Variants in TET3 observed in about 807,000 individuals in gnomAD.
TET3 encodes the protein methylcytosine dioxygenase TET3.
Under a neutral mutation model 141.4 loss-of-function variants are expected in TET3, and 19 were observed. The observed-to-expected ratio is 0.13, with a 90% CI of 0.09 to 0.20. The LOEUF (loss-of-function observed/expected upper bound fraction) is 0.20. Among genes scored for constraint, TET3 ranks in the 10% least tolerant of loss-of-function variants. TET3 has a pLI of 1.00. For missense variants in TET3, 1,874 were observed against 2,356.9 expected (o/e 0.80, Z 4.24); for synonymous variants, 1,043 against 980.9 (o/e 1.06, Z -1.18).
chr2:74,023,298 G>A lies in TET3; in HGVS notation c.360+20132G>A, dbSNP rs190302205. On this transcript the variant is annotated intron_variant, in intron 3 of 11. Coordinates refer to ENST00000409262, the MANE Select transcript of TET3 (RefSeq NM_001287491.2). ...TGTGTCACGTAGGCTGGAGTGCAGCGGTGCTGCGATCATGGCTCACTGCAG... is the reference window on the plus strand; with the variant it reads ...TGTGTCACGTAGGCTGGAGTGCAGCAGTGCTGCGATCATGGCTCACTGCAG... Among the ~76,000 whole-genome samples the A allele has an allele frequency of 2.9e-3, 440 of 152,090 alleles. 1 individual carries two copies. The highest frequency in any genetic ancestry group is 3.5e-3 in the Non-Finnish European group (236 of 67,986).
At chr2:74,015,362 T>C (rs1029536797) in intron 3 of TET3, among the ~76,000 whole-genome samples, 4 of 152,196 alleles carry the variant, frequency 2.6e-5, no homozygotes, top group African/African-American at 9.7e-5. Context: ...TAAAAGTACA[T>C]AATTAGAAAC....
chr2:74,060,672 C>T (rs1688458211), intron 4 of TET3, among the ~76,000 whole-genome samples: 1 of 152,032 alleles, frequency 6.6e-6, no homozygotes, highest in Non-Finnish European at 1.5e-5. Flanking sequence ...GACCCTGCGG[C>T]CTTCCGCAGT....
At chr2:74,064,342 T>C (rs1350692088) in intron 4 of TET3, among the ~76,000 whole-genome samples, 1 of 152,228 alleles carries the variant, frequency 6.6e-6, no homozygotes, top group Non-Finnish European at 1.5e-5. Context: ...TACAGTGTGA[T>C]TCAGTATTGA....
At chr2:73,998,226 A>C (rs1684688958) in intron 2 of TET3, 1 of 152,240 alleles carries the variant, frequency 6.6e-6, no homozygotes, top group Admixed American at 6.5e-5. Flanking sequence ...CCTTCTCAAC[A>C]GCATCATACA....
At chr2:74,061,881 C>G (rs1356074116) in intron 4 of TET3, among the ~76,000 whole-genome samples, 1 of 150,170 alleles carries the variant, frequency 6.7e-6, no homozygotes, top group African/African-American at 2.5e-5. Context: ...GGAAGAGGCG[C>G]TCCTCACTTC....
rs1381689332 is a variant in TET3 at position 74,046,957 on chromosome 2, C to T, written c.1040C>T (p.Ala347Val). 7 of 1,613,768 alleles carry T rather than the reference C, an allele frequency of 4.3e-6. No individual in the cohort carries two copies. Among genetic ancestry groups the T allele is most frequent in the African/African-American group, 1.3e-5 (1 of 74,882 alleles). The change falls in exon 4 of 12, where the codon GCC becomes GTC. Residue 347 changes from alanine (A) to valine (V), a missense_variant. Transcript: ENST00000409262. This position sits in a 1 kb window ranked among gnomAD's most constrained non-coding sequence, Gnocchi z 4.3. ...LPLSQSALSIAKEKNISLQTA... is the reference protein window; with the variant it reads ...LPLSQSALSIVKEKNISLQTA... Reference sequence around the variant, plus strand: ...CTGTCCCAGAGTGCCCTGAGCATTGCCAAGGAAAAAAACATCAGCTTGCAG... The same window carrying T: ...CTGTCCCAGAGTGCCCTGAGCATTGTCAAGGAAAAAAACATCAGCTTGCAG...
At chr2:74,118,413 T>TA in the TET3 span, among the ~76,000 whole-genome samples, 7 of 152,240 alleles carry the variant, frequency 4.6e-5, no homozygotes, top group African/African-American at 1.7e-4. Context: ...AATTGAAACT[T>TA]ACAGTATCAG....
intron 4 of TET3, among the ~76,000 whole-genome samples, chr2:74,051,900 A>G (rs1484279817): frequency 1.3e-5 from 2 of 152,230 alleles, no homozygotes; most frequent in Admixed American, 6.5e-5. Flanking sequence ...ATGGTAGTAG[A>G]ATGAAGAGAA....
intron 3 of TET3, among the ~76,000 whole-genome samples, chr2:74,023,428 T>C (rs1321105389): frequency 6.6e-6 from 1 of 151,912 alleles, no homozygotes; most frequent in Non-Finnish European, 1.5e-5. Flanking sequence ...TTTTTCGTAA[T>C]GATGGGGTCT....
the TET3 span, chr2:74,135,321 T>G: frequency 2.0e-6 from 1 of 489,434 alleles, no homozygotes; most frequent in Non-Finnish European, 3.4e-6. Flanking sequence ...TGGCACTGCA[T>G]TCTCTCTCTG....
At chr2:74,055,826 GA>G (rs1243583950) in intron 4 of TET3, among the ~76,000 whole-genome samples, 1 of 152,142 alleles carries the variant, frequency 6.6e-6, no homozygotes, top group East Asian at 1.9e-4. Context: ...GCTCTATTCA[GA>G]AAGGGAAGAG....
intron 3 of TET3, among the ~76,000 whole-genome samples, chr2:74,025,362 C>T (rs868057826): frequency 6.7e-6 from 1 of 149,816 alleles, no homozygotes; most frequent in East Asian, 2.0e-4. Context: ...GATCTCGGCT[C>T]ACTGCAAGCT....
At chr2:73,991,667 G>C (rs1183780600) in intron 2 of TET3, among the ~76,000 whole-genome samples, 30 of 152,114 alleles carry the variant, frequency 2.0e-4, no homozygotes, top group Non-Finnish European at 1.0e-4. Context: ...GATCCAGGGT[G>C]GACCAAACTG....
At chr2:74,010,414 T>TCCCCCACAGCCCCAC (rs1336532993) in intron 3 of TET3, among the ~76,000 whole-genome samples, 1 of 152,092 alleles carries the variant, frequency 6.6e-6, no homozygotes, top group African/African-American at 2.4e-5. Flanking sequence ...ACCTAAATGC[T>TCCCCCACAGCCCCAC]CCCACCCCCA....
chr2:74,057,751 T>C (rs781654142), intron 4 of TET3, among the ~76,000 whole-genome samples: 1 of 152,202 alleles, frequency 6.6e-6, no homozygotes, highest in African/African-American at 2.4e-5. Flanking sequence ...GTCAGTTCTG[T>C]CAAGGGGGAG....
chr2:74,061,851 C>T (rs1688608429), intron 4 of TET3, among the ~76,000 whole-genome samples: 1 of 146,942 alleles, frequency 6.8e-6, no homozygotes, highest in African/African-American at 2.6e-5. Context: ...CTCCTCACTT[C>T]CTACATGGGA....
the TET3 span, among the ~76,000 whole-genome samples, chr2:74,123,454 T>G: frequency 6.6e-6 from 1 of 152,112 alleles, no homozygotes; most frequent in Non-Finnish European, 1.5e-5. Context: ...CTGTCTCTAC[T>G]AAAAATACAA....
In TET3 at chr2:74,101,606, C is replaced by T; in HGVS notation, c.4818C>T (p.Phe1606=). ...CAGAGGAGAAGCTGTGGGACCCCTT[C>T]AGCCTGGAGGAGGGGCCGGCTGAGG... ...LKSEEKLWDP[F]SLEEGPAEEP... is the part of the protein sequence containing the mutation. The change falls in exon 12 of 12, where the codon TTC becomes TTT. Residue 1606 remains phenylalanine (F), a synonymous_variant. Transcript: ENST00000409262. This position sits in a 1 kb window ranked among gnomAD's most constrained non-coding sequence, Gnocchi z 8.5. 1.2e-6 allele frequency: 2 copies of T among 1,611,938 alleles called. No individual in the cohort carries two copies. Among genetic ancestry groups the T allele is most frequent in the South Asian group, 1.1e-5 (1 of 90,884 alleles).
chr2:74,061,092 C>G (rs1172617092), intron 4 of TET3, among the ~76,000 whole-genome samples: 2 of 151,002 alleles, frequency 1.3e-5, no homozygotes, highest in Admixed American at 6.6e-5. Flanking sequence ...TAGGGGCGGC[C>G]GGGCAGAGGC....
Sources: allele counts gnomAD v4.1 joint callset (sites outside exome capture counted in the v4.1 genomes callset), GRCh38; gene constraint gnomAD v4.1.1; non-coding constraint Gnocchi (gnomAD v3.1); transcripts MANE v1.5; gene names NCBI Gene and HGNC (gene_info 2026-07-23, HGNC 2026-07-21).